Variants in DLC1 observed in about 807,000 individuals in gnomAD.
DLC1 encodes the protein rho GTPase-activating protein 7.
A neutral mutation model predicts 140.3 loss-of-function variants in DLC1; 54 were observed. The observed-to-expected ratio is 0.38, with a 90% CI of 0.31 to 0.48. The LOEUF (loss-of-function observed/expected upper bound fraction) is 0.48, where lower values mean the gene tolerates loss of function less well. DLC1 is among the 20% of genes least tolerant of loss of function. The pLI is 0.96. For synonymous variants in DLC1, 986 were observed against 728.1 expected (o/e 1.35, Z -5.70); for missense variants, 2,536 against 1,907.0 (o/e 1.33, Z -6.14).
At chr8:13,437,676 T>C (rs142134788) in intron 2 of DLC1, among the ~76,000 whole-genome samples, 1 of 152,298 alleles carries the variant, frequency 6.6e-6, no homozygotes, top group Non-Finnish European at 1.5e-5. Flanking sequence ...GACAACTGTG[T>C]AGGCAGAGCT....
intron 5 of DLC1, among the ~76,000 whole-genome samples, chr8:13,221,178 C>G (rs1828529829): frequency 6.6e-6 from 1 of 152,074 alleles, no homozygotes; most frequent in African/African-American, 2.4e-5. Flanking sequence ...AAAACAAATG[C>G]TGGGTGTCAC....
chr8:13,364,640 C>T (rs1157908301), intron 4 of DLC1, among the ~76,000 whole-genome samples: 1 of 152,148 alleles, frequency 6.6e-6, no homozygotes, highest in Non-Finnish European at 1.5e-5. Flanking sequence ...ACTGACCCTA[C>T]ATACTGGTAC....
intron 5 of DLC1, among the ~76,000 whole-genome samples, chr8:13,270,105 C>A (rs772715873): frequency 6.6e-6 from 1 of 151,634 alleles, no homozygotes; most frequent in Non-Finnish European, 1.5e-5. Flanking sequence ...TAACTGCCAA[C>A]TATACCTAAA....
intron 2 of DLC1, among the ~76,000 whole-genome samples, chr8:13,451,728 A>C (rs561215652): frequency 6.6e-6 from 1 of 152,156 alleles, no homozygotes; most frequent in Non-Finnish European, 1.5e-5. Context: ...ATAGTACTCC[A>C]TTGTGTATAT....
At chr8:13,455,926 A>C (rs376464543) in intron 2 of DLC1, among the ~76,000 whole-genome samples, 7 of 152,330 alleles carry the variant, frequency 4.6e-5, no homozygotes, top group African/African-American at 1.2e-4. Flanking sequence ...TATGGAACTG[A>C]AACAATGTAG....
intron 4 of DLC1, among the ~76,000 whole-genome samples, chr8:13,390,881 G>A (rs1268559673): frequency 1.3e-5 from 2 of 151,982 alleles, no homozygotes; most frequent in East Asian, 1.9e-4. Context: ...CCAGCTACTC[G>A]GGAGGCTGAG....
At chr8:13,546,796 T>C (rs1380305419) in intron 1 of DLC1, among the ~76,000 whole-genome samples, 3 of 152,098 alleles carry the variant, frequency 2.0e-5, no homozygotes, top group Admixed American at 6.6e-5. Flanking sequence ...CTTCTTTCTA[T>C]TTTCTGTATT....
At chr8:13,128,503 A>G (rs552346976) in intron 5 of DLC1, among the ~76,000 whole-genome samples, 34 of 152,330 alleles carry the variant, frequency 2.2e-4, no homozygotes, top group Non-Finnish European at 4.0e-4. Flanking sequence ...GGGCCACAAT[A>G]GAGAAGTCTC....
At chr8:13,344,343 A>G (rs1441827365) in intron 4 of DLC1, among the ~76,000 whole-genome samples, 3 of 152,116 alleles carry the variant, frequency 2.0e-5, no homozygotes, top group Non-Finnish European at 2.9e-5. Context: ...AAAATACAAA[A>G]TTAGCCGGGC....
At chr8:13,521,690 C>A (rs987288493) in intron 1 of DLC1, among the ~76,000 whole-genome samples, 6 of 152,154 alleles carry the variant, frequency 3.9e-5, no homozygotes, top group African/African-American at 1.4e-4. Context: ...CTCAGCCCAC[C>A]ATTTGGGGGA....
At position 13,455,502 on chromosome 8, in the gene DLC1, T is replaced by G. The variant is rs567040896; in HGVS notation, c.1023+43547A>C. ...GACACACCTGCATCCCCAGCTTCCA[T>G]CTCAAGCATCTCCTGCAAGCTATTC... On this transcript the variant is annotated intron_variant, in intron 2 of 17. Transcript: ENST00000276297. Among the ~76,000 whole-genome samples the G allele has an allele frequency of 3.9e-5, 6 of 152,236 alleles. No homozygotes were observed. The East Asian group carries it at 1.2e-3, about 29-fold the overall frequency.
At chr8:13,534,566 G>A (rs1803205871) in intron 1 of DLC1, among the ~76,000 whole-genome samples, 1 of 152,104 alleles carries the variant, frequency 6.6e-6, no homozygotes. Flanking sequence ...TTCATAAGAA[G>A]CAGAGATATC....
At chr8:13,497,544 A>G (rs1478976423) in intron 2 of DLC1, among the ~76,000 whole-genome samples, 1 of 152,240 alleles carries the variant, frequency 6.6e-6, no homozygotes, top group Non-Finnish European at 1.5e-5. Context: ...TGCTATAGTG[A>G]CATGTCCAAG....
Position 13,484,892 on chromosome 8 carries a change from A to G in DLC1, c.1023+14157T>C, listed in dbSNP as rs1438848237. ...GCAAGCAGAAGAGAGATTACGTGGG[A>G]CTCACAGTGGTTGGACCAGGAGACT... On this transcript the variant is annotated intron_variant, in intron 2 of 17. Coordinates refer to ENST00000276297, the MANE Select transcript of DLC1 (RefSeq NM_182643.3). Among the ~76,000 whole-genome samples, 5 of 151,854 alleles carry G rather than the reference A, an allele frequency of 3.3e-5. No individual in the cohort carries two copies. The East Asian group carries it at 9.8e-4, about 30-fold the overall frequency.
intron 5 of DLC1, among the ~76,000 whole-genome samples, chr8:13,162,858 C>T (rs914194787): frequency 5.9e-5 from 9 of 152,130 alleles, no homozygotes; most frequent in African/African-American, 1.7e-4. Context: ...CTCTTGAGCC[C>T]AGGAGTATGA....
chr8:13,210,924 A>C (rs1405858492), intron 5 of DLC1, among the ~76,000 whole-genome samples: 2 of 152,218 alleles, frequency 1.3e-5, no homozygotes, highest in African/African-American at 4.8e-5. Context: ...AATAGAATGA[A>C]CATTTAAAAT....
In DLC1 at chr8:13,133,113, C is replaced by A. The variant is rs1004092571; in HGVS notation, c.1349-17456G>T. The A allele has an allele frequency of 1.3e-5, 19 of 1,474,294 alleles. No individual in the cohort carries two copies. The African/African-American group carries it at 2.1e-4, about 16-fold the overall frequency. The allele number at this position is 1,474,294 out of a possible 1,614,324, so 91.3% of individuals were successfully genotyped here. ...CGGTCCTCAACGCATCCTTGCTCGC[C>A]GCTCCCTGCCCCTCGTCACGGCCCC... is the stretch of plus-strand genomic sequence containing the variant. On this transcript the variant is annotated intron_variant, in intron 5 of 17. Coordinates refer to ENST00000276297, the MANE Select transcript of DLC1 (RefSeq NM_182643.3).
chr8:13,095,060 C>T (rs370691382), intron 11 of DLC1, 26 bp downstream of exon 11: 35 of 1,613,740 alleles, frequency 2.2e-5, no homozygotes, highest in African/African-American at 1.2e-4. Flanking sequence ...CCCCTGAGTA[C>T]GTGGACCCGC....
At chr8:13,126,340 T>C (rs955382570) in intron 5 of DLC1, among the ~76,000 whole-genome samples, 1 of 149,870 alleles carries the variant, frequency 6.7e-6, no homozygotes, top group Non-Finnish European at 1.5e-5. Flanking sequence ...AAATCGCTGC[T>C]ACAGGGACAC....
Sources: gnomAD v4.1 joint callset for allele counts (sites outside exome capture counted in the v4.1 genomes callset) on GRCh38, gnomAD v4.1.1 for gene constraint, MANE v1.5 for transcripts, NCBI Gene and HGNC (gene_info 2026-07-23, HGNC 2026-07-21) for gene names.